Variants in GRIN2A observed in about 807,000 individuals in gnomAD.
The protein encoded by GRIN2A is glutamate ionotropic receptor NMDA type subunit 2A, also known as glutamate receptor ionotropic, NMDA 2A.
A neutral mutation model predicts 113.4 loss-of-function variants in GRIN2A; 22 were observed. The observed-to-expected ratio is 0.19, with a 90% CI of 0.14 to 0.28. GRIN2A has a LOEUF of 0.28. Ranked by LOEUF, GRIN2A falls within the 10% of genes least tolerant of loss-of-function variation. GRIN2A has a pLI of 1.00. For synonymous variants in GRIN2A, 827 were observed against 738.4 expected (o/e 1.12, Z -1.94); for missense variants, 1,502 against 1,887.0 (o/e 0.80, Z 3.78).
In GRIN2A at chr16:9,769,076, C is replaced by T. The variant is rs2141151407; in HGVS notation, c.2370G>A (p.Glu790=). The change falls in exon 12 of 13, where the codon GAG becomes GAA. Residue 790 remains glutamate, a synonymous_variant. Transcript: ENST00000330684. ...TCCCAGTGAGCCACAGGGTCTCCAG[C>T]TCCTCCATCTCACCTGGACAGATCA... The part of the protein sequence containing the change: ...LQFVGDGEME[E]LETLWLTGIC... 2 of 1,613,480 alleles carry T rather than the reference C, an allele frequency of 1.2e-6. No individual in the cohort carries two copies. The highest frequency in any genetic ancestry group is 1.1e-5 in the South Asian group (1 of 91,076).
At chr16:9,969,908 ACT>A (rs2045637419) in intron 2 of GRIN2A, among the ~76,000 whole-genome samples, 1 of 152,196 alleles carries the variant, frequency 6.6e-6, no homozygotes, top group Non-Finnish European at 1.5e-5. Context: ...CTCACAGGAG[ACT>A]CACAGGCACG....
chr16:10,082,893 A>C (rs1383625522), intron 2 of GRIN2A, among the ~76,000 whole-genome samples: 2 of 152,008 alleles, frequency 1.3e-5, no homozygotes, highest in African/African-American at 4.8e-5. Flanking sequence ...TAATAATAAT[A>C]AAATAGAAAA....
intron 2 of GRIN2A, among the ~76,000 whole-genome samples, chr16:10,126,841 T>A (rs1214052808): frequency 1.3e-5 from 2 of 152,192 alleles, no homozygotes; most frequent in Non-Finnish European, 2.9e-5. Context: ...GTCTCAGAAA[T>A]CCTTCTGCTT....
chr16:10,062,724 G>A (rs191112819), intron 2 of GRIN2A, among the ~76,000 whole-genome samples: 15 of 152,194 alleles, frequency 9.9e-5, no homozygotes, highest in South Asian at 6.2e-4. Flanking sequence ...AATTAGTTGC[G>A]TGTGATGGCA....
At chr16:10,041,076 C>T (rs975113592) in intron 2 of GRIN2A, among the ~76,000 whole-genome samples, 17 of 152,220 alleles carry the variant, frequency 1.1e-4, no homozygotes, top group Non-Finnish European at 2.4e-4. Context: ...GGGTAGAGTG[C>T]CAGATGTTAA....
At position 9,764,368 on chromosome 16, in the gene GRIN2A, G is replaced by T. The variant is rs772497745; in HGVS notation, c.3176C>A (p.Ser1059Tyr). 4 of 1,614,154 alleles carry T rather than the reference G, an allele frequency of 2.5e-6. No individual in the cohort carries two copies. The South Asian group carries it at 4.4e-5, about 18-fold the overall frequency. Residue 1059 changes from serine to tyrosine, a missense_variant, in exon 13 of 13, where the codon TCT becomes TAT. This residue lies in a region of GRIN2A where 832 missense variants were observed against 789.7 expected (regional missense o/e 1.05). Coordinates refer to ENST00000330684, the MANE Select transcript of GRIN2A (RefSeq NM_001134407.3). ...CCGATTTGACGTTTCTGAAATGTCA[G>T]AGTGGGCCATCTCTTCTGGAAGATA... ...PRYLPEEMAHSDISETSNRAT... is the reference protein window; with the variant it reads ...PRYLPEEMAHYDISETSNRAT...
At chr16:9,946,371 T>TCA (rs2045017874) in intron 2 of GRIN2A, among the ~76,000 whole-genome samples, 1 of 152,138 alleles carries the variant, frequency 6.6e-6, no homozygotes, top group Admixed American at 6.5e-5. Context: ...CCAGAGACCA[T>TCA]GGGGTTGGGT....
intron 11 of GRIN2A, among the ~76,000 whole-genome samples, chr16:9,790,571 G>A (rs1279266854): frequency 6.6e-6 from 1 of 152,098 alleles, no homozygotes; most frequent in Non-Finnish European, 1.5e-5. Flanking sequence ...AGGGATATTT[G>A]ACTATTATAA....
At chr16:9,834,016 C>T (rs1357471230) in intron 8 of GRIN2A, 89 bp downstream of exon 8, 1 of 1,313,228 alleles carries the variant, frequency 7.6e-7, no homozygotes, top group Admixed American at 1.7e-5. Context: ...CATGCCTGGT[C>T]TAGAGTAATG....
chr16:10,063,044 TA>T (rs2047577538), intron 2 of GRIN2A, among the ~76,000 whole-genome samples: 1 of 151,970 alleles, frequency 6.6e-6, no homozygotes, highest in South Asian at 2.1e-4. Flanking sequence ...TACACAGCCA[TA>T]AAAAAGAACA....
chr16:9,769,014 T>G lies in GRIN2A; in HGVS notation c.2432A>C (p.Gln811Pro), dbSNP rs1210459147. The G allele has an allele frequency of 6.2e-7, 1 of 1,614,220 alleles. No individual in the cohort carries two copies. The highest frequency in any genetic ancestry group is 8.5e-7 in the Non-Finnish European group (1 of 1,180,032). Residue 811 changes from glutamine (Q) to proline (P), a missense_variant, in exon 12 of 13, where the codon CAG becomes CCG. Physicochemically the swap from Gln to Pro is moderately conservative, Grantham distance 76 (BLOSUM62 -1). Around this residue, in one of 7 missense-constraint regions of GRIN2A, gnomAD observed 101 missense variants for 240.4 expected, o/e 0.42. Coordinates refer to ENST00000330684, the MANE Select transcript of GRIN2A (RefSeq NM_001134407.3). ...GCCCGCCATGTTGTCAATGTCCAGC[T>G]GGCTGCTCATCACCTCGTTCTTCTC... is the stretch of plus-strand genomic sequence containing the variant. ...HNEKNEVMSS[Q>P]LDIDNMAGVF...
chr16:9,978,348 T>C (rs2045817711), intron 2 of GRIN2A, among the ~76,000 whole-genome samples: 1 of 152,208 alleles, frequency 6.6e-6, no homozygotes, highest in Non-Finnish European at 1.5e-5. Context: ...TTCACCTTGC[T>C]TACCCTCAGT....
At chr16:10,138,137 A>G (rs1397634866) in intron 2 of GRIN2A, among the ~76,000 whole-genome samples, 1 of 152,250 alleles carries the variant, frequency 6.6e-6, no homozygotes, top group Non-Finnish European at 1.5e-5. Context: ...AAGGCTCTGT[A>G]GATAATGCTT....
chr16:10,148,292 T>C (rs199543489), intron 2 of GRIN2A, among the ~76,000 whole-genome samples: 47 of 152,352 alleles, frequency 3.1e-4, no homozygotes, highest in East Asian at 5.8e-4. Flanking sequence ...ACAGATCCTA[T>C]GGCCTGCAAA....
chr16:10,055,161 T>C (rs1193507607), intron 2 of GRIN2A, among the ~76,000 whole-genome samples: 1 of 120,078 alleles, frequency 8.3e-6, no homozygotes, highest in Non-Finnish European at 1.8e-5. Flanking sequence ...ATAAAAAGCA[T>C]AAAACATACT....
At chr16:10,123,315 T>C (rs1469319720) in intron 2 of GRIN2A, among the ~76,000 whole-genome samples, 2 of 152,118 alleles carry the variant, frequency 1.3e-5, no homozygotes, top group African/African-American at 4.8e-5. Context: ...GTCAACAACA[T>C]CCTGCAGGCT....
intron 3 of GRIN2A, among the ~76,000 whole-genome samples, chr16:9,914,566 A>G (rs1271124651): frequency 6.6e-6 from 1 of 152,212 alleles, no homozygotes; most frequent in Non-Finnish European, 1.5e-5. Context: ...CAAGTTCTGA[A>G]ACTATCTTCA....
intron 2 of GRIN2A, among the ~76,000 whole-genome samples, chr16:9,991,589 C>T (rs1253784948): frequency 1.3e-5 from 2 of 152,108 alleles, no homozygotes; most frequent in African/African-American, 2.4e-5. Flanking sequence ...GTCTATTATG[C>T]CACCCTCTGT....
chr16:9,822,161 G>T (rs773413698), intron 10 of GRIN2A, 103 bp downstream of exon 10: 4 of 1,233,944 alleles, frequency 3.2e-6, no homozygotes, highest in Non-Finnish European at 4.8e-6. Context: ...TCACTCTCCA[G>T]AAATACAATG....
Sources: gnomAD v4.1 joint callset for allele counts (sites outside exome capture counted in the v4.1 genomes callset) on GRCh38, gnomAD v4.1.1 for gene constraint, gnomAD v4.1.1 regional missense constraint, MANE v1.5 for transcripts, NCBI Gene and HGNC (gene_info 2026-07-23, HGNC 2026-07-21) for gene names.